The following ELF2 variants were observed in gnomAD, a reference collection of about 807,000 sequenced individuals.
ELF2 encodes the protein E74 like ETS transcription factor 2.
A neutral mutation model predicts 54.8 loss-of-function variants in ELF2; 11 were observed. The ratio of observed to expected loss-of-function variants is 0.20; its 90% CI spans 0.13 to 0.33. The LOEUF (loss-of-function observed/expected upper bound fraction) is 0.33. Ranked by LOEUF, ELF2 falls within the 10% of genes least tolerant of loss-of-function variation. The pLI is 1.00. For synonymous variants in ELF2, 203 were observed against 245.1 expected (o/e 0.83, Z 1.61); for missense variants, 513 against 703.0 (o/e 0.73, Z 3.06).
intron 3 of ELF2, among the ~76,000 whole-genome samples, chr4:139,127,146 G>C (rs928181477): frequency 5.9e-5 from 9 of 152,156 alleles, no homozygotes; most frequent in Non-Finnish European, 1.3e-4. Context: ...CTGCCCTGCT[G>C]CCTGGATCAG....
chr4:139,114,867 G>C lies in ELF2; in HGVS notation c.238+10297C>G, dbSNP rs1028684201. 3 of 1,603,914 alleles carry C rather than the reference G, an allele frequency of 1.9e-6. No homozygotes were observed. In the African/African-American group the frequency reaches 4.0e-5, roughly 21 times the overall value. On this transcript the variant is annotated intron_variant, in intron 4 of 9. Transcript: ENST00000686138. ...CGCAGGGTCCCCCGGTATTGCTGTT[G>C]CTACGAGGTTGGGGGGCAGCGATTG...
In ELF2 at chr4:139,060,420, C is replaced by T. The variant is rs1246667853; in HGVS notation, c.1061G>A (p.Gly354Asp). Residue 354 changes from glycine to aspartate, a missense_variant, in exon 9 of 10, where the codon GGT becomes GAT. By Grantham distance (94) the Gly-to-Asp change is moderately conservative. This residue lies in a region of ELF2 where 291 missense variants were observed against 366.1 expected (regional missense o/e 0.79). Coordinates refer to ENST00000686138, the MANE Select transcript of ELF2 (RefSeq NM_001331036.3). ...AGTGATATTCACAACTCTAGCTACA[C>T]CCTTCTCTGCTCTGGAGCAGTTTAT... ...SPINCSRAEKGVARVVNITSP... is the reference protein window; with the variant it reads ...SPINCSRAEKDVARVVNITSP... 4 of 1,614,092 alleles carry T rather than the reference C, an allele frequency of 2.5e-6. No individual in the cohort carries two copies. The African/African-American group carries it at 5.3e-5, about 22-fold the overall frequency.
chr4:139,082,275 G>T (rs1012269370), intron 4 of ELF2, among the ~76,000 whole-genome samples: 2 of 152,088 alleles, frequency 1.3e-5, no homozygotes, highest in African/African-American at 4.8e-5. Context: ...AAATATCATT[G>T]ACCCAACAAC....
At chr4:139,172,094 T>C (rs967330536) in intron 1 of ELF2, among the ~76,000 whole-genome samples, 2 of 152,212 alleles carry the variant, frequency 1.3e-5, no homozygotes, top group East Asian at 1.9e-4. Flanking sequence ...AAACGTATGA[T>C]GCTGTAATTC....
At chr4:139,140,876 G>T (rs1324283165) in intron 1 of ELF2, among the ~76,000 whole-genome samples, 1 of 151,198 alleles carries the variant, frequency 6.6e-6, no homozygotes, top group African/African-American at 2.4e-5. Flanking sequence ...TTATACTCTT[G>T]TCTCCACTTT....
Position 139,059,360 on chromosome 4 carries a change from G to T in ELF2, c.1405C>A (p.Gln469Lys), listed in dbSNP as rs1197534116. The change falls in exon 10 of 10, where the codon CAG (glutamine) becomes AAG (lysine). Residue 469 changes from glutamine (Q) to lysine (K), a missense_variant. Physicochemically the swap from Gln to Lys is moderately conservative, Grantham distance 53 (BLOSUM62 1). Transcript: ENST00000686138. ...IITIPATQLA[Q>K]CQLQTKSNLT... ...TTTGACTTTGTCTGCAGTTGACACTGTGCAAGCTGTGTAGCTGGGATGGTA... is the reference window on the plus strand; with the variant it reads ...TTTGACTTTGTCTGCAGTTGACACTTTGCAAGCTGTGTAGCTGGGATGGTA... 1.2e-6 allele frequency: 2 copies of T among 1,613,948 alleles called. No individual in the cohort carries two copies. The highest frequency in any genetic ancestry group is 2.2e-5 in the South Asian group (2 of 91,074).
chr4:139,116,160 T>C (rs115956943), intron 4 of ELF2, among the ~76,000 whole-genome samples: 70 of 152,312 alleles, frequency 4.6e-4, no homozygotes, highest in African/African-American at 1.6e-3. Flanking sequence ...TTTTATCTAA[T>C]AATACTGTCT....
chr4:139,165,556 G>A (rs185417957), intron 1 of ELF2, among the ~76,000 whole-genome samples: 28 of 152,272 alleles, frequency 1.8e-4, no homozygotes, highest in East Asian at 1.5e-3. Context: ...CCAGCTACCC[G>A]GGAGGCTGAG....
chr4:139,134,567 A>G (rs1560850981), intron 3 of ELF2, among the ~76,000 whole-genome samples: 11 of 144,260 alleles, frequency 7.6e-5, no homozygotes, highest in African/African-American at 2.2e-4. Flanking sequence ...ATTTTATGTT[A>G]TTTTATTTTA....
At chr4:139,115,274 G>A in intron 4 of ELF2, 2 of 1,601,716 alleles carry the variant, frequency 1.2e-6, no homozygotes, top group Non-Finnish European at 8.5e-7. Context: ...GCGGTCCCGG[G>A]GGGGGCTCTG....
rs1727345497 is a variant in ELF2, at chr4:139,058,484, A to G, written c.*499T>C. 1 of 151,460 alleles carries G rather than the reference A, an allele frequency of 6.6e-6. No homozygotes were observed. The highest frequency in any genetic ancestry group is 6.6e-5 in the Admixed American group (1 of 15,098). 9.4% of individuals were successfully genotyped at this position (151,460 alleles called of 1,614,324 possible). A position where few individuals can be genotyped will look rare whatever the true frequency, so the allele number is the denominator to read the frequency against. On this transcript the variant is annotated 3_prime_UTR_variant, in exon 10 of 10. Coordinates refer to ENST00000686138, the MANE Select transcript of ELF2 (RefSeq NM_001331036.3). ...CCTCTTTCTGAAGTTTTTGGGATCC[A>G]TTCTTCAATTCACATTCTAAAATAC...
intron 3 of ELF2, among the ~76,000 whole-genome samples, chr4:139,127,816 T>G (rs1273462647): frequency 6.6e-6 from 1 of 151,762 alleles, no homozygotes; most frequent in Non-Finnish European, 1.5e-5. Context: ...AATACGAAAA[T>G]TAGCCAGGCA....
At chr4:139,103,206 A>G (rs1261595687) in intron 4 of ELF2, among the ~76,000 whole-genome samples, 1 of 152,234 alleles carries the variant, frequency 6.6e-6, no homozygotes, top group African/African-American at 2.4e-5. Flanking sequence ...AAATATATAT[A>G]TTTAGTCTTG....
At chr4:139,139,939 A>T (rs1180873111) in intron 1 of ELF2, among the ~76,000 whole-genome samples, 3 of 152,152 alleles carry the variant, frequency 2.0e-5, no homozygotes, top group African/African-American at 2.4e-5. Flanking sequence ...AGGAAAAAAA[A>T]TTTTTTAGAG....
intron 3 of ELF2, among the ~76,000 whole-genome samples, chr4:139,135,592 C>G (rs889797577): frequency 6.6e-6 from 1 of 152,016 alleles, no homozygotes; most frequent in Non-Finnish European, 1.5e-5. Flanking sequence ...ATATTTATCC[C>G]CAGTGCCTAG....
intron 4 of ELF2, among the ~76,000 whole-genome samples, chr4:139,096,575 C>G (rs1436401812): frequency 4.6e-5 from 7 of 151,740 alleles, no homozygotes; most frequent in Admixed American, 6.6e-5. Context: ...GATTCTCCTG[C>G]CTCAGCTTCC....
intron 4 of ELF2, among the ~76,000 whole-genome samples, chr4:139,083,724 G>C (rs1731517707): frequency 6.6e-6 from 1 of 152,232 alleles, no homozygotes; most frequent in Non-Finnish European, 1.5e-5. Context: ...TCTCCGGCCA[G>C]ACAGCGTGGC....
At chr4:139,088,079 G>T (rs995441198) in intron 4 of ELF2, among the ~76,000 whole-genome samples, 3 of 152,004 alleles carry the variant, frequency 2.0e-5, no homozygotes, top group Non-Finnish European at 4.4e-5. Flanking sequence ...CTGAGGTTGG[G>T]AATTTGAGAC....
intron 1 of ELF2, among the ~76,000 whole-genome samples, chr4:139,153,850 T>C (rs980257979): frequency 1.3e-5 from 2 of 152,240 alleles, no homozygotes; most frequent in Admixed American, 1.3e-4. Flanking sequence ...GCCAGAAGAA[T>C]GCATAGTTGA....
Sources: allele counts gnomAD v4.1 joint callset (sites outside exome capture counted in the v4.1 genomes callset), GRCh38; gene constraint gnomAD v4.1.1; regional missense constraint gnomAD v4.1.1; transcripts MANE v1.5; gene names NCBI Gene and HGNC (gene_info 2026-07-23, HGNC 2026-07-21).